MYO5A: variants seen among roughly 807,000 people sequenced by gnomAD.
MYO5A encodes the protein myosin VA, also known as unconventional myosin-Va.
MYO5A carries 98 observed loss-of-function variants against 249.7 expected under a neutral mutation model. That is an observed-to-expected ratio of 0.39 (90% CI 0.33 to 0.46). The LOEUF (loss-of-function observed/expected upper bound fraction) is 0.46. MYO5A is among the 20% of genes least tolerant of loss of function. MYO5A has a pLI of 0.98. For synonymous variants in MYO5A, 778 were observed against 810.6 expected, an observed-to-expected ratio of 0.96 and a Z score of 0.68; for missense variants, 1,696 against 2,308.8, an observed-to-expected ratio of 0.73 and a Z score of 5.44.
chr15:52,408,116 TATG>T lies in MYO5A; in HGVS notation c.778_780del (p.His260del). 1 of 1,606,908 alleles carries T rather than the reference TATG, an allele frequency of 6.2e-7. No homozygotes were observed. Among genetic ancestry groups the T allele is most frequent in the Non-Finnish European group, 8.5e-7 (1 of 1,174,394 alleles). ...GCTGAGGCACAAAGCTGATAGAAGATATGATAGTTTCTCTCCTCTTCTGCCTTC... is the reference window on the plus strand; with the variant it reads ...GCTGAGGCACAAAGCTGATAGAAGATATAGTTTCTCTCCTCTTCTGCCTTC... On this transcript the variant is annotated inframe_deletion, in exon 7 of 42. Transcript: ENST00000399233.
chr15:52,318,362 A>C (rs2038125164), intron 39 of MYO5A, among the ~76,000 whole-genome samples: 1 of 148,570 alleles, frequency 6.7e-6, no homozygotes, highest in Non-Finnish European at 1.5e-5. Context: ...AGGCTGAGGC[A>C]GGAGAATTGC....
intron 5 of MYO5A, among the ~76,000 whole-genome samples, 153 bp from the exon 6 acceptor site, chr15:52,410,629 T>G (rs528368429): frequency 1.7e-3 from 250 of 148,924 alleles, no homozygotes; most frequent in African/African-American, 6.1e-3. Context: ...GCTCTGTCAC[T>G]AGGCTGGAGT....
chr15:52,522,837 T>C (rs1207360135), intron 1 of MYO5A, among the ~76,000 whole-genome samples: 4 of 45,462 alleles, frequency 8.8e-5, no homozygotes, highest in African/African-American at 1.7e-4. Flanking sequence ...TCTCTTTCAT[T>C]ATTTAAAAAA....
chr15:52,370,077 T>C lies in MYO5A; in HGVS notation c.3066+92A>G, dbSNP rs1485027789. 3.9e-6 allele frequency: 6 copies of C among 1,535,642 alleles called. No individual in the cohort carries two copies. The African/African-American group carries it at 4.1e-5, about 10-fold the overall frequency. On this transcript the variant is annotated intron_variant, in intron 22 of 41. Transcript: ENST00000399233. ...ACTAAAATTTGTACTGCATTTCTAA[T>C]AAAACCAACAGTGAGTCACACGGAC...
chr15:52,379,599 A>C (rs773805529), intron 18 of MYO5A, 26 bp downstream of exon 18: 14 of 1,600,998 alleles, frequency 8.7e-6, no homozygotes, highest in Non-Finnish European at 1.2e-5. Flanking sequence ...TTCTGCTCAG[A>C]TGACGGTAAG....
At chr15:52,464,239 C>T (rs188290614) in intron 1 of MYO5A, among the ~76,000 whole-genome samples, 3 of 152,322 alleles carry the variant, frequency 2.0e-5, no homozygotes, top group East Asian at 1.9e-4. Flanking sequence ...CTATACTCTA[C>T]GATGTACTAT....
intron 1 of MYO5A, among the ~76,000 whole-genome samples, chr15:52,523,401 C>T (rs2077663615): frequency 6.6e-6 from 1 of 152,176 alleles, no homozygotes; most frequent in African/African-American, 2.4e-5. Context: ...TCATGCCAAA[C>T]CATTATTTTC....
intron 1 of MYO5A, among the ~76,000 whole-genome samples, chr15:52,506,526 CAA>C (rs35101614): frequency 4.7e-4 from 56 of 118,208 alleles, no homozygotes; most frequent in African/African-American, 5.0e-4. Flanking sequence ...GACCCTTTCT[CAA>C]AAAAAAAAAA....
intron 1 of MYO5A, among the ~76,000 whole-genome samples, chr15:52,489,419 C>A (rs2076889521): frequency 6.6e-6 from 1 of 152,046 alleles, no homozygotes; most frequent in African/African-American, 2.4e-5. Context: ...AAAAAATTAG[C>A]CGGGCGTGGT....
At position 52,338,010 on chromosome 15, in the gene MYO5A, C is replaced by T. The variant is rs2039198500; in HGVS notation, c.4240-126G>A. ...AGTGAAACTATATATACTTGAAAGG[C>T]TCTGATTTGTCACCTTCCATTACCC... On this transcript the variant is annotated intron_variant, in intron 32 of 41. Coordinates refer to ENST00000399233, the MANE Select transcript of MYO5A (RefSeq NM_001382347.1). 3 of 631,656 alleles carry T rather than the reference C, an allele frequency of 4.7e-6. No homozygotes were observed. In the African/African-American group the frequency reaches 5.5e-5, roughly 12 times the overall value. 39.1% of individuals were successfully genotyped at this position (631,656 alleles called of 1,614,324 possible).
chr15:52,383,064 T>G (rs4774621), intron 16 of MYO5A, 27 bp downstream of exon 16: 1 of 1,553,804 alleles, frequency 6.4e-7, no homozygotes. Context: ...TATGTACTTT[T>G]TCACTGGGTG....
In MYO5A at chr15:52,377,574, CT is replaced by C. The variant is rs71130155; in HGVS notation, c.2209-1017del. 1.2e-3 allele frequency among the ~76,000 whole-genome samples: 171 copies of C among 139,814 alleles called. 1 individual carries two copies. The highest frequency in any genetic ancestry group is 3.7e-3 in the African/African-American group (141 of 37,762). 91.7% of individuals were successfully genotyped at this position (139,814 alleles called of 152,430 possible). A position where few individuals can be genotyped will look rare whatever the true frequency, so the allele number is the denominator to read the frequency against. On this transcript the variant is annotated intron_variant, in intron 18 of 41. Transcript: ENST00000399233. ...AGAATCATTACTGTGACCTGGAATTCTTTTTTTTTTTTTTTGAGATGAGTCT... is the reference window on the plus strand; with the variant it reads ...AGAATCATTACTGTGACCTGGAATTCTTTTTTTTTTTTTTGAGATGAGTCT...
chr15:52,353,277 G>T (rs2040043627), intron 27 of MYO5A, among the ~76,000 whole-genome samples: 1 of 152,172 alleles, frequency 6.6e-6, no homozygotes, highest in South Asian at 2.1e-4. Flanking sequence ...GAGAAGTCTG[G>T]AGAGCAGATT....
intron 25 of MYO5A, among the ~76,000 whole-genome samples, 165 bp downstream of exon 25, chr15:52,359,803 C>T (rs1425809549): frequency 6.6e-6 from 1 of 152,044 alleles, no homozygotes; most frequent in African/African-American, 2.4e-5. Context: ...CTTAAGTATA[C>T]AAAAATGTAA....
At chr15:52,461,065 G>A (rs895203862) in intron 1 of MYO5A, among the ~76,000 whole-genome samples, 3 of 152,100 alleles carry the variant, frequency 2.0e-5, no homozygotes, top group East Asian at 1.9e-4. Context: ...CGATCCTCCC[G>A]CCTCAGCCTC....
intron 1 of MYO5A, among the ~76,000 whole-genome samples, chr15:52,453,723 GT>G (rs1223723011): frequency 1.3e-5 from 2 of 151,708 alleles, no homozygotes; most frequent in Non-Finnish European, 2.9e-5. Context: ...GATTATAGAG[GT>G]TTTTTTTAAA....
At chr15:52,384,104 AG>A (rs2041876518) in intron 15 of MYO5A, 56 bp downstream of exon 15, 1 of 1,606,264 alleles carries the variant, frequency 6.2e-7, no homozygotes, top group African/African-American at 1.3e-5. Context: ...GGAAGATCTG[AG>A]GTTTCAGATG....
chr15:52,346,551 T>C, intron 29 of MYO5A, 90 bp from the exon 30 acceptor site: 1 of 808,042 alleles, frequency 1.2e-6, no homozygotes, highest in Non-Finnish European at 2.1e-6. Context: ...TGGGGGGCAG[T>C]GGTTATGTGC....
At chr15:52,507,945 T>C (rs1189933904) in intron 1 of MYO5A, among the ~76,000 whole-genome samples, 1 of 152,176 alleles carries the variant, frequency 6.6e-6, no homozygotes, top group Non-Finnish European at 1.5e-5. Context: ...AGGGACTCTA[T>C]TATGATATGC....
Sources: allele counts gnomAD v4.1 joint callset (sites outside exome capture counted in the v4.1 genomes callset), GRCh38; gene constraint gnomAD v4.1.1; transcripts MANE v1.5; gene names NCBI Gene and HGNC (gene_info 2026-07-23, HGNC 2026-07-21).